Variants in VEGFC observed in about 807,000 individuals in gnomAD.
VEGFC encodes FLT4 ligand DHM.
A neutral mutation model predicts 46.1 loss-of-function variants in VEGFC; 12 were observed. That is an observed-to-expected ratio of 0.26 (90% CI 0.17 to 0.42). VEGFC has a LOEUF of 0.42. VEGFC is among the 10% of genes least tolerant of loss of function. VEGFC has a pLI of 1.00. For missense variants in VEGFC, 488 were observed against 529.4 expected, an observed-to-expected ratio of 0.92 and a Z score of 0.77; for synonymous variants, 232 against 195.5, an observed-to-expected ratio of 1.19 and a Z score of -1.56.
chr4:176,774,476 ATGTGTT>A (rs1332214684), intron 1 of VEGFC, among the ~76,000 whole-genome samples: 2 of 152,206 alleles, frequency 1.3e-5, no homozygotes, highest in African/African-American at 4.8e-5. Flanking sequence ...TACACAGTCT[ATGTGTT>A]TGGAGTCTGT....
At chr4:176,685,397 C>T (rs2110960381) in intron 6 of VEGFC, among the ~76,000 whole-genome samples, 1 of 152,190 alleles carries the variant, frequency 6.6e-6, no homozygotes, top group Admixed American at 6.5e-5. Context: ...TATATATTTT[C>T]AAAATATGAT....
chr4:176,767,360 A>T (rs1043947797), intron 1 of VEGFC, among the ~76,000 whole-genome samples: 2 of 152,190 alleles, frequency 1.3e-5, no homozygotes, highest in Non-Finnish European at 2.9e-5. Flanking sequence ...TGAAGAAAAA[A>T]TAGGTTGGAT....
chr4:176,688,247 A>T (rs942638731), intron 4 of VEGFC, among the ~76,000 whole-genome samples: 2 of 152,016 alleles, frequency 1.3e-5, no homozygotes, highest in African/African-American at 2.4e-5. Flanking sequence ...TTGCTTTAAA[A>T]TTTTTTTCCA....
intron 1 of VEGFC, among the ~76,000 whole-genome samples, chr4:176,737,652 G>A (rs1314067953): frequency 1.3e-5 from 2 of 151,362 alleles, no homozygotes; most frequent in Non-Finnish European, 3.0e-5. Flanking sequence ...AACTATTGTA[G>A]GATAACTGCT....
intron 3 of VEGFC, among the ~76,000 whole-genome samples, chr4:176,722,472 G>C (rs1160560583): frequency 6.9e-6 from 1 of 144,656 alleles, no homozygotes; most frequent in Non-Finnish European, 1.5e-5. Context: ...CTGGCCCCTT[G>C]TAATTTTTTT....
At chr4:176,691,586 C>T (rs991525286) in intron 4 of VEGFC, among the ~76,000 whole-genome samples, 4 of 152,148 alleles carry the variant, frequency 2.6e-5, no homozygotes, top group Admixed American at 6.5e-5. Context: ...TTTGGTGTGG[C>T]AGCTATTGCT....
At chr4:176,716,324 C>T (rs1000818448) in intron 3 of VEGFC, among the ~76,000 whole-genome samples, 1 of 151,784 alleles carries the variant, frequency 6.6e-6, no homozygotes, top group Non-Finnish European at 1.5e-5. Flanking sequence ...CGCCTGTAAC[C>T]CCAGCACTTT....
chr4:176,772,846 T>C (rs1458346645), intron 1 of VEGFC, among the ~76,000 whole-genome samples: 1 of 152,220 alleles, frequency 6.6e-6, no homozygotes, highest in Non-Finnish European at 1.5e-5. Context: ...CCTGCAACCC[T>C]GGACTTTCCA....
At chr4:176,768,502 A>ATATATATATATATATG (rs1735668975) in intron 1 of VEGFC, among the ~76,000 whole-genome samples, 1 of 143,794 alleles carries the variant, frequency 7.0e-6, no homozygotes, top group Non-Finnish European at 1.5e-5. Context: ...ATATATATAT[A>ATATATATATATATATG]TATATATATA....
intron 4 of VEGFC, among the ~76,000 whole-genome samples, chr4:176,691,557 T>C (rs1243720032): frequency 3.9e-5 from 6 of 152,214 alleles, no homozygotes; most frequent in Non-Finnish European, 8.8e-5. Context: ...CATTAATTAT[T>C]TTCACAGCTT....
At chr4:176,770,076 T>C (rs558997855) in intron 1 of VEGFC, among the ~76,000 whole-genome samples, 10 of 152,268 alleles carry the variant, frequency 6.6e-5, no homozygotes, top group African/African-American at 2.4e-4. Flanking sequence ...GATTAAAAAA[T>C]ATCTGATAGT....
chr4:176,698,379 C>G (rs1281753211), intron 4 of VEGFC, among the ~76,000 whole-genome samples: 4 of 151,740 alleles, frequency 2.6e-5, no homozygotes, highest in African/African-American at 7.3e-5. Context: ...TTTCAAAGAG[C>G]TATAATCTGC....
At chr4:176,727,665 C>A in intron 3 of VEGFC, 113 bp downstream of exon 3, 1 of 1,095,968 alleles carries the variant, frequency 9.1e-7, no homozygotes, top group Non-Finnish European at 1.2e-6. Context: ...ATATGAGACC[C>A]TGAGTTGAAC....
rs1553997795 is a variant in VEGFC, at chr4:176,780,387, A to AAAACAAAAAAAAAAC, written c.147+11777_147+11778insGTTTTTTTTTTGTTT. On this transcript the variant is annotated intron_variant, in intron 1 of 6. Transcript: ENST00000618562. ...ACAGAGCGAGACTCCATCTCAAAAA[A>AAAACAAAAAAAAAAC]AAAAAAAAAAAACTCCTTCTAACCC... Among the ~76,000 whole-genome samples, 796 of 114,780 alleles carry AAAACAAAAAAAAAAC rather than the reference A, an allele frequency of 6.9e-3. 55 individuals are homozygous for AAAACAAAAAAAAAAC. The East Asian group carries it at 0.082, about 12-fold the overall frequency. 75.3% of individuals were successfully genotyped at this position (114,780 alleles called of 152,430 possible). A position where few individuals can be genotyped will look rare whatever the true frequency, so the allele number is the denominator to read the frequency against.
rs575670674 is a variant in VEGFC, at chr4:176,786,127, G to C, written c.147+6038C>G. Among the ~76,000 whole-genome samples the C allele has an allele frequency of 5.9e-5, 9 of 151,878 alleles. No homozygotes were observed. The East Asian group carries it at 1.5e-3, about 26-fold the overall frequency. On this transcript the variant is annotated intron_variant, in intron 1 of 6. Coordinates refer to ENST00000618562, the MANE Select transcript of VEGFC (RefSeq NM_005429.5). ...TGCAGTTGAAAATGGCTTCTGAGAA[G>C]CTTCTGAGAAGCTTCTGGTCAGCTT...
chr4:176,765,690 G>C (rs576174105), intron 1 of VEGFC, among the ~76,000 whole-genome samples: 62 of 151,880 alleles, frequency 4.1e-4, no homozygotes, highest in Admixed American at 1.1e-3. Flanking sequence ...CGAGTAGCTG[G>C]ACTACAGGTG....
chr4:176,736,120 G>A (rs1425177453), intron 1 of VEGFC, among the ~76,000 whole-genome samples: 1 of 151,760 alleles, frequency 6.6e-6, no homozygotes, highest in Admixed American at 6.6e-5. Flanking sequence ...TCAATTAGGA[G>A]AAAAATCTTG....
chr4:176,787,318 C>G (rs1413991453), intron 1 of VEGFC, among the ~76,000 whole-genome samples: 1 of 151,754 alleles, frequency 6.6e-6, no homozygotes, highest in African/African-American at 2.4e-5. Context: ...TTAGCCTGCT[C>G]TAGTGGCACA....
chr4:176,739,554 C>A (rs1395308688), intron 1 of VEGFC, among the ~76,000 whole-genome samples: 1 of 151,774 alleles, frequency 6.6e-6, no homozygotes, highest in Non-Finnish European at 1.5e-5. Flanking sequence ...AGAACACATG[C>A]ACACATGGGA....
Sources: allele counts gnomAD v4.1 joint callset (sites outside exome capture counted in the v4.1 genomes callset), GRCh38; gene constraint gnomAD v4.1.1; transcripts MANE v1.5; gene names NCBI Gene and HGNC (gene_info 2026-07-23, HGNC 2026-07-21).